The following ARFGEF3 variants were observed in gnomAD, a reference collection of about 807,000 sequenced individuals.
The protein encoded by ARFGEF3 is brefeldin A-inhibited guanine nucleotide-exchange protein 3.
A neutral mutation model predicts 221.7 loss-of-function variants in ARFGEF3; 96 were observed. That is an observed-to-expected ratio of 0.43 (90% CI 0.37 to 0.51). The LOEUF is 0.51. ARFGEF3 is among the 20% of genes least tolerant of loss of function. ARFGEF3 has a pLI of 0.00. For missense variants in ARFGEF3, 2,410 were observed against 2,789.9 expected, an observed-to-expected ratio of 0.86 and a Z score of 3.07; for synonymous variants, 1,145 against 1,126.8, an observed-to-expected ratio of 1.02 and a Z score of -0.32.
intron 4 of ARFGEF3, among the ~76,000 whole-genome samples, chr6:138,224,953 G>A (rs188978968): frequency 6.6e-6 from 1 of 152,266 alleles, no homozygotes; most frequent in East Asian, 1.9e-4. Context: ...AAATATGTGG[G>A]AATGGTGGGG....
chr6:138,196,958 C>T (rs1777438722), intron 2 of ARFGEF3, among the ~76,000 whole-genome samples: 1 of 152,026 alleles, frequency 6.6e-6, no homozygotes, highest in African/African-American at 2.4e-5. Context: ...CTCAGCCTCC[C>T]AAGTAGCTGG....
chr6:138,323,899 A>T, intron 30 of ARFGEF3, 124 bp from the exon 31 acceptor site: 1 of 1,540,804 alleles, frequency 6.5e-7, no homozygotes, highest in Non-Finnish European at 8.9e-7. Context: ...GATCTTGCAG[A>T]GAGTGAGAAA....
At chr6:138,237,220 G>A (rs551085723) in intron 5 of ARFGEF3, among the ~76,000 whole-genome samples, 3 of 152,258 alleles carry the variant, frequency 2.0e-5, no homozygotes, top group African/African-American at 7.2e-5. Context: ...GTAGTCTCTT[G>A]CCCATCTCAG....
chr6:138,246,713 G>A (rs1778492092), intron 8 of ARFGEF3, among the ~76,000 whole-genome samples: 1 of 152,158 alleles, frequency 6.6e-6, no homozygotes, highest in Non-Finnish European at 1.5e-5. Context: ...GAAACGGGGA[G>A]ATATAAGGCA....
intron 2 of ARFGEF3, among the ~76,000 whole-genome samples, chr6:138,172,851 G>A (rs1179755940): frequency 6.6e-6 from 1 of 152,052 alleles, no homozygotes; most frequent in African/African-American, 2.4e-5. Context: ...TATTTTCCAT[G>A]CTAACCATAT....
chr6:138,191,063 C>A (rs909346404), intron 2 of ARFGEF3, among the ~76,000 whole-genome samples: 2 of 152,074 alleles, frequency 1.3e-5, no homozygotes, highest in African/African-American at 4.8e-5. Context: ...TGCCCCAATT[C>A]CTGTGAGGAT....
intron 2 of ARFGEF3, among the ~76,000 whole-genome samples, chr6:138,189,382 T>C (rs1201415821): frequency 6.6e-6 from 1 of 152,208 alleles, no homozygotes; most frequent in Non-Finnish European, 1.5e-5. Context: ...GAGAGGAGAC[T>C]GAGGCTTTGT....
chr6:138,224,055 G>A (rs1035033814), intron 4 of ARFGEF3, among the ~76,000 whole-genome samples: 4 of 152,220 alleles, frequency 2.6e-5, no homozygotes, highest in Non-Finnish European at 5.9e-5. Context: ...ACAGGTAGGT[G>A]TAGTGTGGCC....
intron 5 of ARFGEF3, among the ~76,000 whole-genome samples, chr6:138,237,501 A>G (rs1778308826): frequency 6.6e-6 from 1 of 150,886 alleles, no homozygotes; most frequent in Non-Finnish European, 1.5e-5. Flanking sequence ...GCAGCATATT[A>G]TCAAATGAGG....
At chr6:138,194,044 G>C (rs1777362827) in intron 2 of ARFGEF3, among the ~76,000 whole-genome samples, 1 of 152,054 alleles carries the variant, frequency 6.6e-6, no homozygotes, top group Admixed American at 6.5e-5. Context: ...GAAGTGGGTG[G>C]ATCACCTGAG....
chr6:138,169,745 A>T (rs553336381), intron 1 of ARFGEF3, among the ~76,000 whole-genome samples: 6 of 152,190 alleles, frequency 3.9e-5, no homozygotes, highest in Non-Finnish European at 8.8e-5. Context: ...TGTTTTGCTG[A>T]TTAATTGTCT....
intron 1 of ARFGEF3, among the ~76,000 whole-genome samples, chr6:138,165,575 T>G (rs566043602): frequency 1.3e-5 from 2 of 149,964 alleles, no homozygotes; most frequent in South Asian, 2.1e-4. Context: ...TCACTGAGAC[T>G]GAGACCCTTA....
At chr6:138,317,406 G>C in intron 27 of ARFGEF3, 27 bp downstream of exon 27, 3 of 1,613,412 alleles carry the variant, frequency 1.9e-6, no homozygotes, top group Non-Finnish European at 2.5e-6. Context: ...CCGTCTTTTG[G>C]GGGAGTGGTT....
chr6:138,307,357 G>A lies in ARFGEF3; in HGVS notation c.3933G>A (p.Lys1311=). Residue 1311 remains lysine, a synonymous_variant, in exon 23 of 34, where the codon AAG becomes AAA. Transcript: ENST00000251691. ...TGGAAACAGTGCATGGCGGGAACAA[G>A]TCAGAGATGAAGGAGTACCTGGTTG... ...SALETVHGGN[K]SEMKEYLVGD... 6.2e-7 allele frequency: 1 copy of A among 1,614,010 alleles called. No homozygotes were observed. The highest frequency in any genetic ancestry group is 8.5e-7 in the Non-Finnish European group (1 of 1,179,878).
chr6:138,308,783 A>T lies in ARFGEF3; in HGVS notation c.4018A>T (p.Asn1340Tyr). The T allele has an allele frequency of 1.2e-6, 2 of 1,613,876 alleles. No individual in the cohort carries two copies. Among genetic ancestry groups the T allele is most frequent in the Non-Finnish European group, 1.7e-6 (2 of 1,179,724 alleles). Residue 1340 changes from asparagine (N) to tyrosine (Y), a missense_variant, in exon 24 of 34, where the codon AAT (asparagine) becomes TAT (tyrosine). Physicochemically the swap from Asn to Tyr is moderately radical, Grantham distance 143. This residue lies in a region of ARFGEF3 where 723 missense variants were observed against 991.9 expected (regional missense o/e 0.73). Coordinates refer to ENST00000251691, the MANE Select transcript of ARFGEF3 (RefSeq NM_020340.5). ...PVFDVFEAFL[N>Y]TDNIQVFANA... ...GTTTGATGTATTTGAAGCTTTTCTC[A>T]ATACTGACAACATCCAGGTCTTTGC...
chr6:138,266,578 G>A (rs6935184), intron 12 of ARFGEF3, among the ~76,000 whole-genome samples: 4,657 of 151,974 alleles, frequency 0.031, 182 homozygotes, highest in African/African-American at 0.097. Flanking sequence ...GGCTGGGTGC[G>A]GTGGCTCACA....
intron 2 of ARFGEF3, among the ~76,000 whole-genome samples, chr6:138,183,189 G>C (rs982265472): frequency 6.6e-6 from 1 of 152,092 alleles, no homozygotes; most frequent in Non-Finnish European, 1.5e-5. Flanking sequence ...TGAACACAGA[G>C]GACACCCAGG....
intron 33 of ARFGEF3, 131 bp downstream of exon 33, chr6:138,335,319 T>G: frequency 2.2e-6 from 2 of 902,370 alleles, no homozygotes; most frequent in Admixed American, 6.6e-5. Flanking sequence ...CCGATTTCCC[T>G]CCAAAGTCAG....
intron 2 of ARFGEF3, among the ~76,000 whole-genome samples, chr6:138,189,633 AG>A (rs1232694121): frequency 6.6e-6 from 1 of 152,230 alleles, no homozygotes; most frequent in Admixed American, 6.5e-5. Context: ...AAACATTTTA[AG>A]GCCATTAAAA....
Sources: allele counts gnomAD v4.1 joint callset (sites outside exome capture counted in the v4.1 genomes callset), GRCh38; gene constraint gnomAD v4.1.1; regional missense constraint gnomAD v4.1.1; transcripts MANE v1.5; gene names NCBI Gene and HGNC (gene_info 2026-07-23, HGNC 2026-07-21).